The following SLC35F1 variants were observed in gnomAD, a reference collection of about 807,000 sequenced individuals.
The protein encoded by SLC35F1 is solute carrier family 35 member F1, also known as chromosome 6 open reading frame 169.
A neutral mutation model predicts 48.7 loss-of-function variants in SLC35F1; 14 were observed. The ratio of observed to expected loss-of-function variants is 0.29; its 90% confidence interval spans 0.19 to 0.45. SLC35F1 has a LOEUF of 0.45. Ranked by LOEUF, SLC35F1 falls within the 20% of genes least tolerant of loss-of-function variation. The probability of loss-of-function intolerance (pLI) is 1.00; values close to 1 mark genes in which losing one functional copy is unlikely to be tolerated. For missense variants in SLC35F1, 404 were observed against 500.0 expected (o/e 0.81, Z 1.83); for synonymous variants, 190 against 202.2 (o/e 0.94, Z 0.51).
intron 1 of SLC35F1, among the ~76,000 whole-genome samples, chr6:118,061,019 C>T (rs1406259784): frequency 6.6e-6 from 1 of 152,212 alleles, no homozygotes; most frequent in African/African-American, 2.4e-5. Context: ...TTGTGTCTCA[C>T]AATTCCAAAT....
intron 1 of SLC35F1, among the ~76,000 whole-genome samples, chr6:117,997,425 G>A (rs949620694): frequency 4.6e-5 from 7 of 151,828 alleles, no homozygotes; most frequent in South Asian, 2.1e-4. Flanking sequence ...TACAGAGAAC[G>A]CCACAAAGAT....
chr6:118,284,688 A>G (rs967235250), intron 6 of SLC35F1, among the ~76,000 whole-genome samples: 2 of 152,172 alleles, frequency 1.3e-5, no homozygotes, highest in African/African-American at 4.8e-5. Context: ...TCAAGATTCT[A>G]ATTCAGTATT....
chr6:118,053,034 G>C (rs564884916), intron 1 of SLC35F1, among the ~76,000 whole-genome samples: 2 of 151,912 alleles, frequency 1.3e-5, no homozygotes, highest in South Asian at 4.2e-4. Context: ...AGGTTGATCA[G>C]GCAATGTAAA....
chr6:118,311,245 T>C (rs2114671923), intron 7 of SLC35F1, among the ~76,000 whole-genome samples: 1 of 152,340 alleles, frequency 6.6e-6, no homozygotes, highest in East Asian at 1.9e-4. Context: ...TCTTAATGGG[T>C]TTTTGTTGAG....
At chr6:117,931,510 C>T (rs1444047104) in intron 1 of SLC35F1, among the ~76,000 whole-genome samples, 1 of 152,182 alleles carries the variant, frequency 6.6e-6, no homozygotes, top group Admixed American at 6.5e-5. Context: ...TTAACCTTGT[C>T]ATGTTAATTC....
chr6:118,058,311 T>C (rs1249552441), intron 1 of SLC35F1, among the ~76,000 whole-genome samples: 2 of 152,162 alleles, frequency 1.3e-5, no homozygotes, highest in African/African-American at 4.8e-5. Context: ...CTCCATAAAC[T>C]AGGAACCCAA....
At chr6:118,285,091 G>A in intron 6 of SLC35F1, 93 bp from the exon 7 acceptor site, 2 of 1,328,510 alleles carry the variant, frequency 1.5e-6, no homozygotes, top group Non-Finnish European at 2.1e-6. Context: ...TGAGTGACAA[G>A]TGGTGTGCAC....
At chr6:118,060,861 C>T (rs941699073) in intron 1 of SLC35F1, among the ~76,000 whole-genome samples, 1 of 152,294 alleles carries the variant, frequency 6.6e-6, no homozygotes, top group East Asian at 1.9e-4. Flanking sequence ...AATTAAATAG[C>T]TTGTCCATAG....
intron 1 of SLC35F1, among the ~76,000 whole-genome samples, chr6:118,016,097 C>T (rs1777317262): frequency 2.0e-5 from 3 of 152,322 alleles, no homozygotes; most frequent in African/African-American, 7.2e-5. Flanking sequence ...CAAACAGGCA[C>T]CCATTCTCTA....
intron 7 of SLC35F1, among the ~76,000 whole-genome samples, chr6:118,297,632 A>AT (rs1472274530): frequency 5.2e-5 from 5 of 96,282 alleles, no homozygotes; most frequent in South Asian, 3.2e-4. Flanking sequence ...TTATATATAT[A>AT]TATATAAAAA....
chr6:117,948,460 A>G (rs1308184316), intron 1 of SLC35F1, among the ~76,000 whole-genome samples: 1 of 152,118 alleles, frequency 6.6e-6, no homozygotes, highest in Non-Finnish European at 1.5e-5. Flanking sequence ...CCAATTATCT[A>G]CTTTTCTTCT....
At chr6:117,988,503 A>C (rs1435472528) in intron 1 of SLC35F1, among the ~76,000 whole-genome samples, 1 of 152,224 alleles carries the variant, frequency 6.6e-6, no homozygotes, top group Admixed American at 6.5e-5. Flanking sequence ...GTTTATGCAG[A>C]GTTGAAAACT....
chr6:118,190,401 A>G (rs1365788825), intron 2 of SLC35F1, among the ~76,000 whole-genome samples: 2 of 152,042 alleles, frequency 1.3e-5, no homozygotes, highest in Non-Finnish European at 2.9e-5. Flanking sequence ...GGCCTATTGC[A>G]TGAGCTCAGT....
intron 2 of SLC35F1, among the ~76,000 whole-genome samples, chr6:118,166,545 AAGTT>A (rs1238586066): frequency 1.3e-5 from 2 of 152,222 alleles, no homozygotes; most frequent in African/African-American, 4.8e-5. Context: ...AAAAGAAACT[AAGTT>A]AGATCATTCA....
chr6:117,985,056 T>C (rs1776831294), intron 1 of SLC35F1, among the ~76,000 whole-genome samples: 1 of 152,226 alleles, frequency 6.6e-6, no homozygotes, highest in Admixed American at 6.5e-5. Context: ...ATACTACAGA[T>C]CACACTTTGA....
intron 4 of SLC35F1, among the ~76,000 whole-genome samples, chr6:118,272,486 G>A (rs193148284): frequency 3.3e-5 from 5 of 152,058 alleles, no homozygotes; most frequent in Admixed American, 2.6e-4. Context: ...TGCTATCACC[G>A]TGTCAGGCAT....
At chr6:118,290,518 A>G (rs79837523) in intron 7 of SLC35F1, among the ~76,000 whole-genome samples, 2,179 of 152,226 alleles carry the variant, frequency 0.014, 66 homozygotes, top group African/African-American at 0.049. Flanking sequence ...TATCTGCAAA[A>G]AAAAAAAGCA....
At chr6:118,277,058 A>T (rs1369819789) in intron 5 of SLC35F1, among the ~76,000 whole-genome samples, 1 of 152,190 alleles carries the variant, frequency 6.6e-6, no homozygotes, top group African/African-American at 2.4e-5. Flanking sequence ...ACCAGGAAAC[A>T]GTGTATTTTA....
intron 1 of SLC35F1, among the ~76,000 whole-genome samples, chr6:117,981,404 T>C (rs927040709): frequency 6.6e-6 from 1 of 152,002 alleles, no homozygotes; most frequent in African/African-American, 2.4e-5. Flanking sequence ...TCTTAGAACA[T>C]TTAAGATGGA....
Sources: allele counts gnomAD v4.1 joint callset (sites outside exome capture counted in the v4.1 genomes callset), GRCh38; gene constraint gnomAD v4.1.1; transcripts MANE v1.5; gene names NCBI Gene and HGNC (gene_info 2026-07-23, HGNC 2026-07-21).